The following CPAMD8 variants were observed in gnomAD, a reference collection of about 807,000 sequenced individuals.
CPAMD8 encodes C3 and PZP-like alpha-2-macroglobulin domain-containing protein 8.
CPAMD8 carries 146 observed loss-of-function variants against 224.7 expected under a neutral mutation model. That is an observed-to-expected ratio of 0.65 (90% CI 0.57 to 0.75). The LOEUF (loss-of-function observed/expected upper bound fraction) is 0.75, where lower values mean the gene tolerates loss of function less well. CPAMD8 is among the 30% of genes least tolerant of loss of function. The pLI is 0.00. For missense variants in CPAMD8, 2,301 were observed against 2,537.5 expected, an observed-to-expected ratio of 0.91 and a Z score of 2.00; for synonymous variants, 966 against 1,044.6, an observed-to-expected ratio of 0.92 and a Z score of 1.45.
intron 27 of CPAMD8, among the ~76,000 whole-genome samples, chr19:16,916,861 T>C (rs1245720265): frequency 6.6e-6 from 1 of 152,208 alleles, no homozygotes; most frequent in Non-Finnish European, 1.5e-5. Flanking sequence ...CCATGTTCCC[T>C]GGATTAGCCA....
At position 16,927,961 on chromosome 19, in the gene CPAMD8, G is replaced by A. The variant is rs367698442; in HGVS notation, c.3370+48C>T. 5.1e-5 allele frequency: 70 copies of A among 1,384,004 alleles called. No homozygotes were observed. The South Asian group carries it at 5.4e-4, about 11-fold the overall frequency. 85.7% of individuals were successfully genotyped at this position (1,384,004 alleles called of 1,614,324 possible). A position where few individuals can be genotyped will look rare whatever the true frequency, so the allele number is the denominator to read the frequency against. On this transcript the variant is annotated intron_variant, in intron 25 of 41. Coordinates refer to ENST00000443236, the MANE Select transcript of CPAMD8 (RefSeq NM_015692.5). ...AGACTAAGCCTGGAGTCTCAACTTC[G>A]GCTCTTGCCCCCTGACCTCTCCAAG...
At chr19:16,902,608 C>A in intron 35 of CPAMD8, 41 bp downstream of exon 35, 1 of 1,343,530 alleles carries the variant, frequency 7.4e-7, no homozygotes, top group Non-Finnish European at 1.0e-6. Context: ...GCACATTGCA[C>A]CCTCCTGGGA....
intron 3 of CPAMD8, among the ~76,000 whole-genome samples, chr19:17,012,217 C>T (rs940745073): frequency 6.6e-6 from 1 of 152,130 alleles, no homozygotes; most frequent in Non-Finnish European, 1.5e-5. Context: ...CGGGGTTTCA[C>T]CATGTTGGCC....
chr19:16,892,987 T>A lies in CPAMD8; in HGVS notation c.*121A>T, dbSNP rs1389552770. 1 of 770,910 alleles carries A rather than the reference T, an allele frequency of 1.3e-6. No individual in the cohort carries two copies. Among genetic ancestry groups the A allele is most frequent in the Middle Eastern group, 2.3e-4 (1 of 4,436 alleles). 47.8% of individuals were successfully genotyped at this position (770,910 alleles called of 1,614,324 possible). A position where few individuals can be genotyped will look rare whatever the true frequency, so the allele number is the denominator to read the frequency against. ...TCAGTAACGTGTATTCTTGTCAATA[T>A]CCTGGAGTGATCATTTACCAGAGTT... On this transcript the variant is annotated 3_prime_UTR_variant, in exon 42 of 42. Transcript: ENST00000443236.
chr19:17,021,951 G>T, intron 2 of CPAMD8, 79 bp downstream of exon 2: 1 of 1,366,724 alleles, frequency 7.3e-7, no homozygotes, highest in Non-Finnish European at 9.8e-7. Flanking sequence ...CACCCACACT[G>T]CCCCAGCCCT....
At chr19:16,904,176 A>AGCCCCCCCCCC in intron 32 of CPAMD8, 50 bp downstream of exon 32, 4 of 937,336 alleles carry the variant, frequency 4.3e-6, no homozygotes, top group East Asian at 2.6e-5. Context: ...GACTGCAGGG[A>AGCCCCCCCCCC]CCCCACCCAC....
intron 7 of CPAMD8, among the ~76,000 whole-genome samples, chr19:17,007,266 G>A (rs1245744330): frequency 5.9e-5 from 9 of 151,896 alleles, no homozygotes; most frequent in South Asian, 4.2e-4. Flanking sequence ...CCCGGGAGGC[G>A]GAGGTGGCAG....
At chr19:17,011,383 G>A in intron 5 of CPAMD8, 81 bp downstream of exon 5, 1 of 1,431,566 alleles carries the variant, frequency 7.0e-7, no homozygotes, top group Non-Finnish European at 9.8e-7. Flanking sequence ...TGGAGAGAAA[G>A]ACCCGTTTCC....
At chr19:16,983,376 G>A (rs1291307022) in intron 13 of CPAMD8, among the ~76,000 whole-genome samples, 1 of 151,620 alleles carries the variant, frequency 6.6e-6, no homozygotes, top group Non-Finnish European at 1.5e-5. Context: ...TCCAGCCTGG[G>A]TGACAGAGTG....
intron 36 of CPAMD8, 86 bp downstream of exon 36, chr19:16,901,124 C>T (rs2052238639): frequency 9.6e-6 from 8 of 832,650 alleles, no homozygotes; most frequent in Non-Finnish European, 1.5e-5. Flanking sequence ...AAGGTCTGGA[C>T]TGCCAGCCAG....
intron 23 of CPAMD8, among the ~76,000 whole-genome samples, chr19:16,932,463 C>CA (rs1275226692): frequency 6.6e-6 from 1 of 151,904 alleles, no homozygotes; most frequent in Admixed American, 6.6e-5. Flanking sequence ...CTCAGTGAGA[C>CA]AAAAGAGAAC....
chr19:16,898,464 A>G lies in CPAMD8; in HGVS notation c.4849-470T>C, dbSNP rs1257610113. ...CGTCTCAGGTGGCCTCTGAAACACC[A>G]CTCCTTTTTGTGTGTGTGCACGCAT... On this transcript the variant is annotated intron_variant, in intron 37 of 41. Transcript: ENST00000443236. The surrounding 1 kb of genome is among the most constrained non-coding windows in gnomAD (Gnocchi z 4.2). Among the ~76,000 whole-genome samples, 2 of 150,770 alleles carry G rather than the reference A, an allele frequency of 1.3e-5. No individual in the cohort carries two copies. Among genetic ancestry groups the G allele is most frequent in the Admixed American group, 1.3e-4 (2 of 15,148 alleles).
chr19:16,906,518 C>T (rs1360580137), intron 30 of CPAMD8, among the ~76,000 whole-genome samples: 1 of 151,226 alleles, frequency 6.6e-6, no homozygotes, highest in South Asian at 2.1e-4. Context: ...ATTCTTGTGC[C>T]TCAGCCTCCC....
At chr19:16,974,953 C>T (rs1158518519) in intron 17 of CPAMD8, 144 bp downstream of exon 17, 2 of 1,121,060 alleles carry the variant, frequency 1.8e-6, no homozygotes, top group East Asian at 2.6e-5. Flanking sequence ...CCAGCCTGGG[C>T]CACAGAGCGA....
At chr19:16,974,035 G>A (rs1462671202) in intron 17 of CPAMD8, among the ~76,000 whole-genome samples, 2 of 151,042 alleles carry the variant, frequency 1.3e-5, no homozygotes, top group Non-Finnish European at 2.9e-5. Flanking sequence ...TCACCGTGTT[G>A]GCCAGGATGG....
intron 22 of CPAMD8, among the ~76,000 whole-genome samples, chr19:16,940,327 T>C (rs534480848): frequency 2.0e-5 from 3 of 152,322 alleles, no homozygotes; most frequent in African/African-American, 7.2e-5. Flanking sequence ...AGTGTGTTTA[T>C]ATAACAAATC....
intron 14 of CPAMD8, among the ~76,000 whole-genome samples, chr19:16,980,110 A>G (rs114844900): frequency 0.011 from 1,709 of 152,190 alleles, 22 homozygotes; most frequent in African/African-American, 0.03. Context: ...AGAGGAGGGG[A>G]CTAAGGAAGT....
rs534428535 is a variant in CPAMD8 at position 16,927,963 on chromosome 19, C to T, written c.3370+46G>A. 16 of 1,418,688 alleles carry T rather than the reference C, an allele frequency of 1.1e-5. 1 individual carries two copies. The East Asian group carries it at 3.6e-4, about 32-fold the overall frequency. The allele number at this position is 1,418,688 out of a possible 1,614,324, so 87.9% of individuals were successfully genotyped here. A position where few individuals can be genotyped will look rare whatever the true frequency, so the allele number is the denominator to read the frequency against. On this transcript the variant is annotated intron_variant, in intron 25 of 41. Transcript: ENST00000443236. ...ACTAAGCCTGGAGTCTCAACTTCGG[C>T]TCTTGCCCCCTGACCTCTCCAAGCC...
chr19:16,954,936 G>T (rs996457487), intron 19 of CPAMD8, among the ~76,000 whole-genome samples: 10 of 152,228 alleles, frequency 6.6e-5, no homozygotes, highest in Admixed American at 6.5e-4. Flanking sequence ...ATACCATCCT[G>T]GGTAACACGG....
Sources: allele counts gnomAD v4.1 joint callset (sites outside exome capture counted in the v4.1 genomes callset), GRCh38; gene constraint gnomAD v4.1.1; non-coding constraint Gnocchi (gnomAD v3.1); transcripts MANE v1.5; gene names NCBI Gene and HGNC (gene_info 2026-07-23, HGNC 2026-07-21).